EIF3E: variants seen among roughly 807,000 people sequenced by gnomAD.
EIF3E encodes eukaryotic translation initiation factor 3 subunit E, also known as eIF-3 p48.
Under a neutral mutation model 59.3 loss-of-function variants are expected in EIF3E, and 25 were observed. That is an observed-to-expected ratio of 0.42 (90% CI 0.31 to 0.59). The LOEUF is 0.59. Ranked by LOEUF, EIF3E falls within the 20% of genes least tolerant of loss-of-function variation. The pLI, the probability that EIF3E is intolerant of heterozygous loss-of-function variation, is 0.15. For missense variants in EIF3E, 317 were observed against 534.3 expected (o/e 0.59, Z 4.01); for synonymous variants, 176 against 170.2 (o/e 1.03, Z -0.26).
chr8:108,228,230 C>A, intron 7 of EIF3E, 37 bp downstream of exon 7: 1 of 1,526,656 alleles, frequency 6.6e-7, no homozygotes, highest in South Asian at 1.3e-5. Context: ...GTAATTTTAT[C>A]TAAACAAAGC....
chr8:108,220,811 T>C (rs914739773), intron 7 of EIF3E, among the ~76,000 whole-genome samples: 4 of 152,216 alleles, frequency 2.6e-5, no homozygotes, highest in African/African-American at 7.2e-5. Context: ...AAATCAAACA[T>C]GTTTTAACTG....
intron 7 of EIF3E, among the ~76,000 whole-genome samples, chr8:108,223,246 A>G (rs1298622887): frequency 6.6e-6 from 1 of 152,214 alleles, no homozygotes; most frequent in African/African-American, 2.4e-5. Context: ...TTAAAAACAG[A>G]TAGGTTTTGG....
chr8:108,238,129 T>C (rs762652727), intron 3 of EIF3E, among the ~76,000 whole-genome samples: 5 of 152,234 alleles, frequency 3.3e-5, no homozygotes, highest in Admixed American at 6.5e-5. Flanking sequence ...TAGTCTAACA[T>C]CTGGATTATT....
At position 108,228,410 on chromosome 8, in the gene EIF3E, T is replaced by C. The variant is rs373944451; in HGVS notation, c.598-19A>G. On this transcript the variant is annotated intron_variant, in intron 6 of 12. Transcript: ENST00000220849. ...TCACAGACTAAAGGATTTAAAAATATATACATAAAAAATATTAATATATAA... is the reference window on the plus strand; with the variant it reads ...TCACAGACTAAAGGATTTAAAAATACATACATAAAAAATATTAATATATAA... 2.1e-6 allele frequency: 3 copies of C among 1,462,818 alleles called. No individual in the cohort carries two copies. The highest frequency in any genetic ancestry group is 4.7e-5 in the Admixed American group (2 of 42,538). 90.6% of individuals were successfully genotyped at this position (1,462,818 alleles called of 1,614,324 possible).
chr8:108,204,234 T>C (rs908522223), intron 10 of EIF3E, among the ~76,000 whole-genome samples: 7 of 151,964 alleles, frequency 4.6e-5, no homozygotes, highest in Admixed American at 2.6e-4. Context: ...AGAAGACATA[T>C]GAAAAAGACA....
chr8:108,227,098 G>C (rs1204009474), intron 7 of EIF3E: 1 of 152,228 alleles, frequency 6.6e-6, no homozygotes, highest in Non-Finnish European at 1.5e-5. Flanking sequence ...GCTGAGGTAG[G>C]AGAACTGCTT....
chr8:108,242,271 T>C (rs531824947), intron 1 of EIF3E: 9 of 1,291,650 alleles, frequency 7.0e-6, no homozygotes, highest in South Asian at 4.9e-5. Context: ...AAAGCACATA[T>C]AGCTGTCACT....
At chr8:108,236,058 G>T in intron 4 of EIF3E, 103 bp downstream of exon 4, 1 of 846,472 alleles carries the variant, frequency 1.2e-6, no homozygotes, top group South Asian at 2.9e-5. Context: ...AATTAATCTG[G>T]AAATTATATT....
chr8:108,244,353 C>G (rs1158931943), intron 1 of EIF3E, among the ~76,000 whole-genome samples: 1 of 152,174 alleles, frequency 6.6e-6, no homozygotes, highest in African/African-American at 2.4e-5. Flanking sequence ...TCTGCTGATC[C>G]GTCGTCTATC....
chr8:108,229,379 CTCAGGTCTTCAATAA>C, intron 5 of EIF3E, 184 bp from the exon 6 acceptor site: 1 of 488,098 alleles, frequency 2.0e-6, no homozygotes, highest in Non-Finnish European at 3.4e-6. Context: ...GCTAAAAATA[CTCAGGTCTTCAATAA>C]TCAGTCTAGA....
At chr8:108,231,641 C>T (rs1815623007) in intron 5 of EIF3E, among the ~76,000 whole-genome samples, 1 of 152,004 alleles carries the variant, frequency 6.6e-6, no homozygotes, top group South Asian at 2.1e-4. Context: ...GGAGCCAGAT[C>T]AAAGGCCACA....
intron 7 of EIF3E, 51 bp downstream of exon 7, chr8:108,228,216 C>G (rs762396551): frequency 2.2e-5 from 32 of 1,484,754 alleles, no homozygotes; most frequent in Non-Finnish European, 4.5e-6. Context: ...TTAAACAACT[C>G]CATGTAATTT....
chr8:108,206,078 T>C (rs920986540), intron 10 of EIF3E, among the ~76,000 whole-genome samples: 1 of 152,150 alleles, frequency 6.6e-6, no homozygotes, highest in Non-Finnish European at 1.5e-5. Context: ...GTTCCCATCA[T>C]TCTCCTTCAT....
At chr8:108,240,376 A>G (rs1166183447) in intron 2 of EIF3E, among the ~76,000 whole-genome samples, 1 of 152,190 alleles carries the variant, frequency 6.6e-6, no homozygotes, top group Non-Finnish European at 1.5e-5. Flanking sequence ...GTAGGACCCA[A>G]TTATCTATCA....
At chr8:108,219,885 G>A (rs539516966) in intron 7 of EIF3E, among the ~76,000 whole-genome samples, 1 of 152,266 alleles carries the variant, frequency 6.6e-6, no homozygotes, top group South Asian at 2.1e-4. Flanking sequence ...GCTCATGCCT[G>A]TAATCCTAGT....
intron 5 of EIF3E, among the ~76,000 whole-genome samples, chr8:108,232,248 G>C (rs377153183): frequency 4.6e-5 from 7 of 152,068 alleles, no homozygotes; most frequent in African/African-American, 1.7e-4. Flanking sequence ...CCAACAGGAA[G>C]CAACAAACTC....
intron 8 of EIF3E, among the ~76,000 whole-genome samples, chr8:108,217,065 A>G (rs1050648184): frequency 6.6e-6 from 1 of 152,186 alleles, no homozygotes; most frequent in Non-Finnish European, 1.5e-5. Flanking sequence ...ACTCTTTGCA[A>G]TAAGAGAAAC....
chr8:108,214,258 G>C (rs1815262844), intron 10 of EIF3E, among the ~76,000 whole-genome samples: 1 of 152,098 alleles, frequency 6.6e-6, no homozygotes, highest in Non-Finnish European at 1.5e-5. Flanking sequence ...CCAATTTAAT[G>C]GGTATCTCCT....
chr8:108,216,583 C>A, intron 8 of EIF3E, 70 bp from the exon 9 acceptor site: 1 of 1,034,128 alleles, frequency 9.7e-7, no homozygotes, highest in East Asian at 2.6e-5. Flanking sequence ...CCAGAATATC[C>A]CAATCTTCTT....
Sources: allele counts gnomAD v4.1 joint callset (sites outside exome capture counted in the v4.1 genomes callset), GRCh38; gene constraint gnomAD v4.1.1; transcripts MANE v1.5; gene names NCBI Gene and HGNC (gene_info 2026-07-23, HGNC 2026-07-21).